The following NAB2 variants were observed in gnomAD, a reference collection of about 807,000 sequenced individuals.
NAB2 encodes NGFI-A-binding protein 2.
Under a neutral mutation model 44.2 loss-of-function variants are expected in NAB2, and 9 were observed. That is an observed-to-expected ratio of 0.20 (90% CI 0.12 to 0.36). The LOEUF is 0.36. NAB2 is among the 10% of genes least tolerant of loss of function. The pLI is 1.00. For missense variants in NAB2, 514 were observed against 709.0 expected, an observed-to-expected ratio of 0.73 and a Z score of 3.12; for synonymous variants, 342 against 291.0, an observed-to-expected ratio of 1.18 and a Z score of -1.78.
rs115030534 is a variant in NAB2, at chr12:57,092,402, C to T, written c.958-46C>T. On this transcript the variant is annotated intron_variant, in intron 2 of 6. Transcript: ENST00000300131. ...GGTGTGAGGAGGTCTGGTGAGGCAGCGGGGAAGTTCGAATTCTGACTCTCC... is the reference window on the plus strand; with the variant it reads ...GGTGTGAGGAGGTCTGGTGAGGCAGTGGGGAAGTTCGAATTCTGACTCTCC... The T allele has an allele frequency of 2.7e-4, 441 of 1,604,252 alleles. 2 individuals carry two copies. In the African/African-American group the frequency reaches 5.3e-3, roughly 19 times the overall value.
Position 57,093,590 on chromosome 12 carries a change from C to T in NAB2, c.1460C>T (p.Pro487Leu). 3 of 1,512,182 alleles carry T rather than the reference C, an allele frequency of 2.0e-6. No homozygotes were observed. The highest frequency in any genetic ancestry group is 1.8e-6 in the Non-Finnish European group (2 of 1,129,560). The allele number at this position is 1,512,182 out of a possible 1,614,324, so 93.7% of individuals were successfully genotyped here. A position where few individuals can be genotyped will look rare whatever the true frequency, so the allele number is the denominator to read the frequency against. The change falls in exon 6 of 7, where the codon CCT (proline) becomes CTT (leucine). Residue 487 changes from proline (P) to leucine (L), a missense_variant. By Grantham distance (98) the Pro-to-Leu change is moderately conservative. Transcript: ENST00000300131. ...AGCCCCTGTGTGCCTGCGAAGCCAC[C>T]TCTCGCAGGTGAGGCAGCCAGCAGT... ...RLSPCVPAKPPLAEFEEGLLD... is the reference protein window; with the variant it reads ...RLSPCVPAKPLLAEFEEGLLD...
intron 3 of NAB2, 87 bp from the exon 4 acceptor site, chr12:57,092,830 A>G: frequency 1.3e-6 from 2 of 1,526,810 alleles, no homozygotes; most frequent in Non-Finnish European, 1.8e-6. Context: ...GGTTTTAAAT[A>G]ACACATGCCT....
chr12:57,090,619 G>A (rs2033166350), intron 1 of NAB2, among the ~76,000 whole-genome samples: 1 of 152,264 alleles, frequency 6.6e-6, no homozygotes. Flanking sequence ...CTGGGGCTGT[G>A]GCCCCTTCAC....
Position 57,089,807 on chromosome 12 carries a change from C to T in NAB2, c.83+453C>T, listed in dbSNP as rs74093954. ...GGGGTGACGAGGGAGGCAGGGAGGCCTTAGGCGTTCCTTCCCATATCTGTC... is the reference window on the plus strand; with the variant it reads ...GGGGTGACGAGGGAGGCAGGGAGGCTTTAGGCGTTCCTTCCCATATCTGTC... On this transcript the variant is annotated intron_variant, in intron 1 of 6. Coordinates refer to ENST00000300131, the MANE Select transcript of NAB2 (RefSeq NM_005967.4). Among the ~76,000 whole-genome samples, 1,094 of 152,170 alleles carry T rather than the reference C, an allele frequency of 7.2e-3. 17 individuals carry two copies. The highest frequency in any genetic ancestry group is 0.025 in the African/African-American group (1,052 of 41,512).
rs759859282 is a variant in NAB2, at chr12:57,094,627, T to G, written c.1484T>G (p.Leu495Arg). The change falls in exon 7 of 7, where the codon CTG becomes CGG. Residue 495 changes from leucine (L) to arginine (R), a missense_variant. By Grantham distance (102) the Leu-to-Arg change is moderately radical. Transcript: ENST00000300131. Reference protein sequence around the residue: ...KPPLAEFEEGLLDRCPAPGPH... With the variant: ...KPPLAEFEEGRLDRCPAPGPH... ...TTCCCTGCAGAGTTCGAGGAAGGGC[T>G]GCTGGACAGATGTCCTGCCCCAGGA... is the stretch of plus-strand genomic sequence containing the variant. The G allele has an allele frequency of 3.2e-6, 5 of 1,553,458 alleles. No individual in the cohort carries two copies. Among genetic ancestry groups the G allele is most frequent in the Non-Finnish European group, 4.4e-6 (5 of 1,148,010 alleles).
In NAB2 at chr12:57,094,764, G is replaced by C. The variant is rs1181179389; in HGVS notation, c.*43G>C. 5.4e-6 allele frequency: 8 copies of C among 1,477,264 alleles called. No individual in the cohort carries two copies. The Admixed American group carries it at 1.6e-4, about 29-fold the overall frequency. 91.5% of individuals were successfully genotyped at this position (1,477,264 alleles called of 1,614,324 possible). A position where few individuals can be genotyped will look rare whatever the true frequency, so the allele number is the denominator to read the frequency against. ...TCAGACCCAGGACCTCAGACTTCTG[G>C]CTCACACAGACCCCCACGCTCTCCA... On this transcript the variant is annotated 3_prime_UTR_variant, in exon 7 of 7. Transcript: ENST00000300131.
chr12:57,092,838 C>G (rs1393081795), intron 3 of NAB2, 79 bp from the exon 4 acceptor site: 44 of 1,537,752 alleles, frequency 2.9e-5, no homozygotes, highest in Non-Finnish European at 5.4e-6. Flanking sequence ...ATAACACATG[C>G]CTCTGGCTGG....
chr12:57,092,752 G>C (rs1182296883), intron 3 of NAB2, among the ~76,000 whole-genome samples, 165 bp from the exon 4 acceptor site: 1 of 152,146 alleles, frequency 6.6e-6, no homozygotes, highest in African/African-American at 2.4e-5. Context: ...TCCATGTCGG[G>C]TCCCCCCAAC....
At chr12:57,092,230 G>A in intron 2 of NAB2, 3 of 993,254 alleles carry the variant, frequency 3.0e-6, no homozygotes, top group Non-Finnish European at 4.3e-6. Flanking sequence ...TTGTCACTCA[G>A]GACCCCACAG....
At chr12:57,092,239 A>G (rs2033206658) in intron 2 of NAB2, 3 of 981,506 alleles carry the variant, frequency 3.1e-6, no homozygotes, top group African/African-American at 3.3e-5. Flanking sequence ...AGGACCCCAC[A>G]GGAGAGGAGG....
intron 6 of NAB2, 99 bp from the exon 7 acceptor site, chr12:57,094,513 C>A: frequency 1.1e-6 from 1 of 939,648 alleles, no homozygotes; most frequent in Non-Finnish European, 1.7e-6. Context: ...TAAACTGAGC[C>A]CATCTTCACA....
chr12:57,090,509 G>A (rs906763523), intron 1 of NAB2, among the ~76,000 whole-genome samples: 1 of 141,608 alleles, frequency 7.1e-6, no homozygotes, highest in South Asian at 2.2e-4. Flanking sequence ...ATAAATAAAT[G>A]CTTAACCCCT....
In NAB2 at chr12:57,095,057, C is replaced by T; in HGVS notation, c.*336C>T. 4.1e-6 allele frequency: 1 copy of T among 246,204 alleles called. No homozygotes were observed. Among genetic ancestry groups the T allele is most frequent in the Non-Finnish European group, 7.9e-6 (1 of 127,042 alleles). 15.3% of individuals were successfully genotyped at this position (246,204 alleles called of 1,614,324 possible). On this transcript the variant is annotated 3_prime_UTR_variant, in exon 7 of 7. Transcript: ENST00000300131. Reference sequence around the variant, plus strand: ...CACCAGTGGTGTGAGCAGTTGGACTCAGTTTGGACAAGGGGGAAAGGGGGA... The same window carrying T: ...CACCAGTGGTGTGAGCAGTTGGACTTAGTTTGGACAAGGGGGAAAGGGGGA...
Position 57,092,578 on chromosome 12 carries a change from C to A in NAB2, c.1088C>A (p.Ser363Tyr), listed in dbSNP as rs369196466. ...ACCTACTTGTCCTCCTTGAAGGGCT[C>A]CAGGTGAGACCCCTTCCCCAGGTCC... ...ESTYLSSLKGSRLHPEELGGP... is the reference protein window; with the variant it reads ...ESTYLSSLKGYRLHPEELGGP... The change falls in exon 3 of 7, where the codon TCC becomes TAC. Residue 363 changes from serine (S) to tyrosine (Y), a missense_variant. By Grantham distance (144) the Ser-to-Tyr change is moderately radical. This residue lies in a region of NAB2 where 194 missense variants were observed against 223.9 expected (regional missense o/e 0.87). Coordinates refer to ENST00000300131, the MANE Select transcript of NAB2 (RefSeq NM_005967.4). 7 of 1,613,952 alleles carry A rather than the reference C, an allele frequency of 4.3e-6. No homozygotes were observed. The highest frequency in any genetic ancestry group is 5.9e-6 in the Non-Finnish European group (7 of 1,179,962).
Position 57,091,855 on chromosome 12 carries a change from A to G in NAB2, c.814A>G (p.Lys272Glu). 1 of 1,614,176 alleles carries G rather than the reference A, an allele frequency of 6.2e-7. No individual in the cohort carries two copies. Among genetic ancestry groups the G allele is most frequent in the Non-Finnish European group, 8.5e-7 (1 of 1,180,002 alleles). ...GGTCACATCCCTGCTAAAGCTGAAT[A>G]AGAAGCTGGCACGGAGCGTTGGGCA... ...GEVTSLLKLN[K>E]KLARSVGHIF... Residue 272 changes from lysine to glutamate, a missense_variant, in exon 2 of 7, where the codon AAG (lysine) becomes GAG (glutamate). Physicochemically the swap from Lys to Glu is moderately conservative, Grantham distance 56 (BLOSUM62 1). This residue lies in a region of NAB2 where 177 missense variants were observed against 200.5 expected (regional missense o/e 0.88). Transcript: ENST00000300131. The surrounding 1 kb of genome is among the most constrained non-coding windows in gnomAD (Gnocchi z 7.3).
rs371156485 is a variant in NAB2, at chr12:57,093,211, A to G, written c.1276+16A>G. ...CATTTGCAGGGTGAGTGTGCCTCAG[A>G]ACACTTTTCTCTTCATTGAGGGTGG... is the stretch of plus-strand genomic sequence containing the variant. On this transcript the variant is annotated intron_variant, in intron 5 of 6. Transcript: ENST00000300131. 5.7e-6 allele frequency: 9 copies of G among 1,582,636 alleles called. No homozygotes were observed. The highest frequency in any genetic ancestry group is 1.4e-5 in the African/African-American group (1 of 74,022).
At chr12:57,092,377 G>GGT in intron 2 of NAB2, 71 bp from the exon 3 acceptor site, 2 of 1,578,104 alleles carry the variant, frequency 1.3e-6, no homozygotes, top group Non-Finnish European at 1.7e-6. Context: ...ATGGTGAAGG[G>GGT]GTGTGAGGAG....
chr12:57,094,775 C>T lies in NAB2; in HGVS notation c.*54C>T, dbSNP rs1377310068. ...ACCTCAGACTTCTGGCTCACACAGA[C>T]CCCCACGCTCTCCATCCCCGGAATC... On this transcript the variant is annotated 3_prime_UTR_variant, in exon 7 of 7. Transcript: ENST00000300131. 1.4e-6 allele frequency: 2 copies of T among 1,398,178 alleles called. No homozygotes were observed. The highest frequency in any genetic ancestry group is 2.5e-5 in the South Asian group (2 of 78,774). The allele number at this position is 1,398,178 out of a possible 1,614,324, so 86.6% of individuals were successfully genotyped here. A position where few individuals can be genotyped will look rare whatever the true frequency, so the allele number is the denominator to read the frequency against.
chr12:57,090,825 GC>G (rs1169357454), intron 1 of NAB2, among the ~76,000 whole-genome samples: 1 of 152,178 alleles, frequency 6.6e-6, no homozygotes, highest in Non-Finnish European at 1.5e-5. Context: ...AGTTCTTCTT[GC>G]CCCAGACCAA....
Sources: allele counts gnomAD v4.1 joint callset (sites outside exome capture counted in the v4.1 genomes callset), GRCh38; gene constraint gnomAD v4.1.1; regional missense constraint gnomAD v4.1.1; non-coding constraint Gnocchi (gnomAD v3.1); transcripts MANE v1.5; gene names NCBI Gene and HGNC (gene_info 2026-07-23, HGNC 2026-07-21).